Variants in SPTSSA observed in about 807,000 individuals in gnomAD.
SPTSSA encodes the protein serine palmitoyltransferase small subunit A, also known as small subunit of serine palmitoyltransferase A.
A neutral mutation model predicts 9.1 loss-of-function variants in SPTSSA; 8 were observed. That is an observed-to-expected ratio of 0.88 (90% CI 0.51 to 1.58). The LOEUF is 1.58. Ranked by LOEUF, SPTSSA falls within the 40% of genes most tolerant of loss-of-function variation. The pLI is 0.00. For synonymous variants in SPTSSA, 42 were observed against 37.7 expected (o/e 1.11, Z -0.41); for missense variants, 100 against 93.8 (o/e 1.07, Z -0.27).
At chr14:34,449,562 GCA>G (rs1468332309) in intron 1 of SPTSSA, among the ~76,000 whole-genome samples, 2 of 146,392 alleles carry the variant, frequency 1.4e-5, no homozygotes, top group African/African-American at 2.6e-5. Context: ...GAGTGCAATG[GCA>G]CGATCTTGGC....
intron 1 of SPTSSA, among the ~76,000 whole-genome samples, chr14:34,445,958 C>G (rs145823416): frequency 1.3e-5 from 2 of 152,160 alleles, no homozygotes. Context: ...TAAAGCTTCA[C>G]GTACATTTGG....
chr14:34,451,724 A>C (rs1012065203), intron 1 of SPTSSA, among the ~76,000 whole-genome samples: 79 of 143,566 alleles, frequency 5.5e-4, no homozygotes, highest in African/African-American at 1.9e-3. Flanking sequence ...TTTCAAAAAA[A>C]AAAAAAAAAA....
intron 1 of SPTSSA, among the ~76,000 whole-genome samples, chr14:34,448,463 C>A (rs115689417): frequency 0.011 from 1,651 of 151,728 alleles, 32 homozygotes; most frequent in African/African-American, 0.038. Context: ...CAGAGAACAT[C>A]AGGCCGATTC....
At chr14:34,440,351 C>A (rs1883297640) in intron 1 of SPTSSA, among the ~76,000 whole-genome samples, 1 of 152,168 alleles carries the variant, frequency 6.6e-6, no homozygotes, top group Non-Finnish European at 1.5e-5. Flanking sequence ...TGCTTTTTCA[C>A]AGCTTTTATA....
At position 34,432,833 on chromosome 14, in the gene SPTSSA, G is replaced by C. The variant is rs1025984353; in HGVS notation, c.*2368C>G. On this transcript the variant is annotated 3_prime_UTR_variant, in exon 2 of 2. Coordinates refer to ENST00000298130, the MANE Select transcript of SPTSSA (RefSeq NM_138288.4). ...TCTTTAATTAAGATAGGTATATTGGGTGTTTTTTTTTTTTAGCCATAATGC... is the reference window on the plus strand; with the variant it reads ...TCTTTAATTAAGATAGGTATATTGGCTGTTTTTTTTTTTTAGCCATAATGC... 1.3e-5 allele frequency: 2 copies of C among 150,770 alleles called. No homozygotes were observed. Among genetic ancestry groups the C allele is most frequent in the African/African-American group, 4.9e-5 (2 of 40,964 alleles). 9.3% of individuals were successfully genotyped at this position (150,770 alleles called of 1,614,324 possible). A position where few individuals can be genotyped will look rare whatever the true frequency, so the allele number is the denominator to read the frequency against.
chr14:34,438,813 G>C (rs1883277878), intron 1 of SPTSSA, among the ~76,000 whole-genome samples: 1 of 152,128 alleles, frequency 6.6e-6, no homozygotes, highest in Non-Finnish European at 1.5e-5. Flanking sequence ...TTAGATGATA[G>C]AAAGTTCCCA....
intron 1 of SPTSSA, among the ~76,000 whole-genome samples, chr14:34,442,950 A>AG (rs143006830): frequency 7.1e-6 from 1 of 140,812 alleles, no homozygotes; most frequent in East Asian, 2.0e-4. Context: ...ATACATGTCT[A>AG]GGGGGGTGTG....
chr14:34,435,623 C>CTTTTTTTTTTTTTTTTTTTT (rs769896697), intron 1 of SPTSSA, among the ~76,000 whole-genome samples: 4 of 92,470 alleles, frequency 4.3e-5, no homozygotes, highest in African/African-American at 9.2e-5. Flanking sequence ...GTTTGTTTCT[C>CTTTTTTTTTTTTTTTTTTTT]TTTTTTTTTT....
In SPTSSA at chr14:34,433,949, C is replaced by A. The variant is rs1883197539; in HGVS notation, c.*1252G>T. The A allele has an allele frequency of 7.0e-6, 1 of 142,698 alleles. No individual in the cohort carries two copies. The allele number at this position is 142,698 out of a possible 1,614,324, so 8.8% of individuals were successfully genotyped here. A position where few individuals can be genotyped will look rare whatever the true frequency, so the allele number is the denominator to read the frequency against. Reference sequence around the variant, plus strand: ...TTGCACTCCATCCTGGGCGACAGGGCAAGACTCCGTCTCAAAAAAAAAAAA... The same window carrying A: ...TTGCACTCCATCCTGGGCGACAGGGAAAGACTCCGTCTCAAAAAAAAAAAA... On this transcript the variant is annotated 3_prime_UTR_variant, in exon 2 of 2. Coordinates refer to ENST00000298130, the MANE Select transcript of SPTSSA (RefSeq NM_138288.4).
intron 1 of SPTSSA, among the ~76,000 whole-genome samples, chr14:34,445,545 T>C (rs1295000655): frequency 6.6e-6 from 1 of 152,176 alleles, no homozygotes; most frequent in African/African-American, 2.4e-5. Flanking sequence ...TGAGTCATCA[T>C]TTTGGCAAAA....
At chr14:34,458,341 A>G (rs1039734454) in intron 1 of SPTSSA, among the ~76,000 whole-genome samples, 15 of 151,210 alleles carry the variant, frequency 9.9e-5, no homozygotes, top group African/African-American at 3.7e-4. Context: ...ACACTACTAC[A>G]CCCGGCTAAT....
At chr14:34,458,175 T>C (rs1332902556) in intron 1 of SPTSSA, among the ~76,000 whole-genome samples, 1 of 151,386 alleles carries the variant, frequency 6.6e-6, no homozygotes, top group Non-Finnish European at 1.5e-5. Context: ...CTTACATAGG[T>C]AAGTTCAAAA....
At chr14:34,435,662 CTT>C (rs1883231121) in intron 1 of SPTSSA, among the ~76,000 whole-genome samples, 4 of 89,792 alleles carry the variant, frequency 4.5e-5, no homozygotes, top group African/African-American at 1.5e-4. Context: ...GAGTTTTGCT[CTT>C]GTTACCCAAG....
intron 1 of SPTSSA, among the ~76,000 whole-genome samples, chr14:34,440,284 T>C (rs935223728): frequency 2.6e-5 from 4 of 152,218 alleles, no homozygotes; most frequent in Non-Finnish European, 1.5e-5. Flanking sequence ...AACTTGATAA[T>C]GACTACAGAA....
At chr14:34,440,830 G>A (rs1304991128) in intron 1 of SPTSSA, among the ~76,000 whole-genome samples, 4 of 151,654 alleles carry the variant, frequency 2.6e-5, no homozygotes, top group African/African-American at 7.3e-5. Context: ...GTGGTGAGCC[G>A]AGATGGCGCC....
intron 1 of SPTSSA, among the ~76,000 whole-genome samples, chr14:34,435,845 G>T (rs980035662): frequency 7.9e-5 from 12 of 151,946 alleles, no homozygotes; most frequent in African/African-American, 2.4e-4. Flanking sequence ...GGCCAGGCTG[G>T]TCTCGAACTC....
rs1883196467 is a variant in SPTSSA, at chr14:34,433,869, A to C, written c.*1332T>G. 1.3e-5 allele frequency: 2 copies of C among 151,302 alleles called. No individual in the cohort carries two copies. The highest frequency in any genetic ancestry group is 4.9e-5 in the African/African-American group (2 of 41,100). 9.4% of individuals were successfully genotyped at this position (151,302 alleles called of 1,614,324 possible). A position where few individuals can be genotyped will look rare whatever the true frequency, so the allele number is the denominator to read the frequency against. ...TCCCAGCTATTCAGGAGGCTGAGGCAGGAGAATCACTTGATCCCAGGAGAT... is the reference window on the plus strand; with the variant it reads ...TCCCAGCTATTCAGGAGGCTGAGGCCGGAGAATCACTTGATCCCAGGAGAT... On this transcript the variant is annotated 3_prime_UTR_variant, in exon 2 of 2. Transcript: ENST00000298130.
chr14:34,435,961 A>T (rs768648601), intron 1 of SPTSSA, among the ~76,000 whole-genome samples: 21 of 152,120 alleles, frequency 1.4e-4, no homozygotes, highest in Non-Finnish European at 2.9e-4. Flanking sequence ...AGAATGTGAT[A>T]CTGTTCTACC....
intron 1 of SPTSSA, among the ~76,000 whole-genome samples, chr14:34,441,126 G>A (rs28716315): frequency 0.09 from 13,691 of 152,128 alleles, 1,292 homozygotes; most frequent in African/African-American, 0.23. Context: ...CAAAAAAAGA[G>A]AATGTTGCCA....
Sources: allele counts gnomAD v4.1 joint callset (sites outside exome capture counted in the v4.1 genomes callset), GRCh38; gene constraint gnomAD v4.1.1; transcripts MANE v1.5; gene names NCBI Gene and HGNC (gene_info 2026-07-23, HGNC 2026-07-21).